ADGRA1: variants seen among roughly 807,000 people sequenced by gnomAD.
The protein encoded by ADGRA1 is adhesion G protein-coupled receptor A1, also known as G-protein coupled receptor 123.
ADGRA1 carries 12 observed loss-of-function variants against 21.3 expected under a neutral mutation model. The ratio of observed to expected loss-of-function variants is 0.56; its 90% confidence interval spans 0.36 to 0.91. The LOEUF (loss-of-function observed/expected upper bound fraction) is 0.91, where lower values mean the gene tolerates loss of function less well. ADGRA1 is among the 40% of genes least tolerant of loss of function. ADGRA1 has a pLI of 0.01. For synonymous variants in ADGRA1, 385 were observed against 368.8 expected, an observed-to-expected ratio of 1.04 and a Z score of -0.50; for missense variants, 790 against 805.6, an observed-to-expected ratio of 0.98 and a Z score of 0.23.
chr10:133,098,760 G>C lies in ADGRA1; in HGVS notation c.252G>C (p.Gln84His). ...GCACCAAGTACCCCATCCTGTGCCA[G>C]GCGGTGAGTGCCGGGGCGCCCTCGT... ...INRTKYPILC[Q>H]AVGIVLHYST... The change falls in exon 4 of 7, where the codon CAG (glutamine) becomes CAC (histidine). Residue 84 changes from glutamine to histidine, a missense_variant. Physicochemically the swap from Gln to His is conservative, Grantham distance 24. Around this residue, in one of 3 missense-constraint regions of ADGRA1, gnomAD observed 382 missense variants for 415.6 expected, o/e 0.92. Coordinates refer to ENST00000392607, the MANE Select transcript of ADGRA1 (RefSeq NM_001083909.3). 1 of 1,610,826 alleles carries C rather than the reference G, an allele frequency of 6.2e-7. No homozygotes were observed.
chr10:133,110,795 G>A (rs1479651065), intron 5 of ADGRA1, among the ~76,000 whole-genome samples: 1 of 152,104 alleles, frequency 6.6e-6, no homozygotes, highest in Non-Finnish European at 1.5e-5. Flanking sequence ...TTTATTTTCC[G>A]GAATTCTGTT....
At chr10:133,096,671 G>A (rs1053559823) in intron 2 of ADGRA1, among the ~76,000 whole-genome samples, 1 of 152,232 alleles carries the variant, frequency 6.6e-6, no homozygotes. Context: ...TCAGTCGGCC[G>A]ATACATGGCC....
In ADGRA1 at chr10:133,088,127, C is replaced by A; in HGVS notation, c.-214C>A. On this transcript the variant is annotated 5_prime_UTR_variant, in exon 1 of 7. It introduces an in-frame stop codon into an upstream open reading frame of the 5' UTR. Transcript: ENST00000392607. ...GGCCCGGCCGCCCCGGCAGCCGCTT[C>A]GGCCACAGCAGGTGGGAAGGACGCG... The A allele has an allele frequency of 1.0e-6, 1 of 984,682 alleles. No individual in the cohort carries two copies. The allele number at this position is 984,682 out of a possible 1,614,324, so 61.0% of individuals were successfully genotyped here.
At chr10:133,106,905 C>T (rs1564847413) in intron 5 of ADGRA1, among the ~76,000 whole-genome samples, 1 of 152,246 alleles carries the variant, frequency 6.6e-6, no homozygotes, top group African/African-American at 2.4e-5. Flanking sequence ...ACTGGAGTCA[C>T]GATTGCATCT....
At chr10:133,128,109 G>A (rs886933747) in intron 6 of ADGRA1, among the ~76,000 whole-genome samples, 1 of 144,354 alleles carries the variant, frequency 6.9e-6, no homozygotes, top group African/African-American at 2.6e-5. Flanking sequence ...CCGCACCTGG[G>A]ACACTTTCCT....
At chr10:133,091,857 C>T (rs1166448162) in intron 2 of ADGRA1, among the ~76,000 whole-genome samples, 2 of 152,246 alleles carry the variant, frequency 1.3e-5, no homozygotes, top group Admixed American at 6.5e-5. Flanking sequence ...GACCTCCAAC[C>T]GGAGGGTGAC....
At chr10:133,111,973 A>ACGGG (rs1852033097) in intron 5 of ADGRA1, among the ~76,000 whole-genome samples, 1 of 68,404 alleles carries the variant, frequency 1.5e-5, no homozygotes, top group Non-Finnish European at 2.9e-5. Context: ...CCTGCCCACC[A>ACGGG]CAGGCACCTC....
chr10:133,097,987 C>T (rs1055964833), intron 3 of ADGRA1, among the ~76,000 whole-genome samples: 3 of 152,186 alleles, frequency 2.0e-5, no homozygotes, highest in Non-Finnish European at 2.9e-5. Context: ...TGGTTAGTGC[C>T]GTCCTACCAA....
chr10:133,102,651 G>A (rs781479705), intron 4 of ADGRA1, 46 bp from the exon 5 acceptor site: 1 of 1,576,664 alleles, frequency 6.3e-7, no homozygotes. Context: ...GGGCTCTGGG[G>A]GGTGGGTGCC....
Position 133,128,776 on chromosome 10 carries a change from C to T in ADGRA1, c.948C>T (p.Cys316=), listed in dbSNP as rs1408769287. 5 of 1,610,858 alleles carry T rather than the reference C, an allele frequency of 3.1e-6. No individual in the cohort carries two copies. Among genetic ancestry groups the T allele is most frequent in the African/African-American group, 1.3e-5 (1 of 74,850 alleles). ...CCAAGCGTGAGGACGTGTGGCAGTGCTGGTGGGCATGCTGCCCGCCCCGCA... is the reference window on the plus strand; with the variant it reads ...CCAAGCGTGAGGACGTGTGGCAGTGTTGGTGGGCATGCTGCCCGCCCCGCA... ...HCAKREDVWQ[C]WWACCPPRKD... Residue 316 remains cysteine (C), a synonymous_variant, in exon 7 of 7, where the codon TGC becomes TGT. Transcript: ENST00000392607.
Position 133,116,771 on chromosome 10 carries a change from C to T in ADGRA1, c.402-10462C>T, listed in dbSNP as rs563464492. Among the ~76,000 whole-genome samples, 6 of 152,248 alleles carry T rather than the reference C, an allele frequency of 3.9e-5. No individual in the cohort carries two copies. In the East Asian group the frequency reaches 1.2e-3, roughly 29 times the overall value. On this transcript the variant is annotated intron_variant, in intron 5 of 6. Transcript: ENST00000392607. The stretch of plus-strand genomic sequence containing the variant: ...GGCCGCGCCTCTTTCTTTCCTCCAT[C>T]CTCTCCTCCTCATCTGACCCCCCAG...
chr10:133,115,002 C>T (rs1428448685), intron 5 of ADGRA1, among the ~76,000 whole-genome samples: 3 of 152,116 alleles, frequency 2.0e-5, no homozygotes, highest in African/African-American at 4.8e-5. Context: ...CCCCAGGGGC[C>T]GCAACTCCAT....
chr10:133,125,849 A>G (rs1361598771), intron 5 of ADGRA1, among the ~76,000 whole-genome samples: 4 of 152,234 alleles, frequency 2.6e-5, no homozygotes, highest in South Asian at 2.1e-4. Context: ...TTGAGACTAT[A>G]TAGGACCGTT....
chr10:133,127,711 C>T (rs951210234), intron 6 of ADGRA1, among the ~76,000 whole-genome samples: 4 of 152,024 alleles, frequency 2.6e-5, no homozygotes, highest in Admixed American at 2.6e-4. Context: ...ATTCAGGGCC[C>T]TCAGTTCCTT....
intron 5 of ADGRA1, among the ~76,000 whole-genome samples, chr10:133,115,023 G>C (rs1852130547): frequency 6.6e-6 from 1 of 152,332 alleles, no homozygotes; most frequent in South Asian, 2.1e-4. Context: ...GAGTGCGACT[G>C]GTTGGTGGGG....
chr10:133,103,951 C>T (rs987555019), intron 5 of ADGRA1, among the ~76,000 whole-genome samples: 1 of 152,192 alleles, frequency 6.6e-6, no homozygotes, highest in Non-Finnish European at 1.5e-5. Flanking sequence ...GTGTGAGGCA[C>T]CCCCGCCAGA....
chr10:133,098,799 AG>A (rs1310606616), intron 4 of ADGRA1, 36 bp downstream of exon 4: 5 of 1,590,662 alleles, frequency 3.1e-6, no homozygotes, highest in Non-Finnish European at 3.4e-6. Flanking sequence ...CTCCTCCCAG[AG>A]GGGAACTGCG....
chr10:133,117,391 C>T (rs551529978), intron 5 of ADGRA1, among the ~76,000 whole-genome samples: 3 of 152,338 alleles, frequency 2.0e-5, no homozygotes, highest in African/African-American at 4.8e-5. Context: ...AGCCTACTGA[C>T]GGTGCATCCA....
intron 5 of ADGRA1, among the ~76,000 whole-genome samples, chr10:133,124,834 G>T (rs1364776736): frequency 2.0e-5 from 2 of 98,902 alleles, no homozygotes; most frequent in African/African-American, 9.1e-5. Context: ...CCCTTCCCCC[G>T]GCCCCGGCCC....
Sources: allele counts gnomAD v4.1 joint callset (sites outside exome capture counted in the v4.1 genomes callset), GRCh38; gene constraint gnomAD v4.1.1; regional missense constraint gnomAD v4.1.1; transcripts MANE v1.5; gene names NCBI Gene and HGNC (gene_info 2026-07-23, HGNC 2026-07-21).